SMARCA4: variants seen among roughly 807,000 people sequenced by gnomAD.
SMARCA4 encodes SWI/SNF related BAF chromatin remodeling complex subunit ATPase 4, also known as SWI/SNF-related matrix-associated actin-dependent regulator of chromatin subfamily A member 4.
In SMARCA4, 31 loss-of-function variants were observed where a neutral mutation model predicts 193.9. That is an observed-to-expected ratio of 0.16 (90% CI 0.12 to 0.22). The LOEUF (loss-of-function observed/expected upper bound fraction) is 0.22, where lower values mean the gene tolerates loss of function less well. Ranked by LOEUF, SMARCA4 falls within the 10% of genes least tolerant of loss-of-function variation. SMARCA4 has a pLI of 1.00. For missense variants in SMARCA4, 1,148 were observed against 2,296.0 expected (o/e 0.50, Z 10.22); for synonymous variants, 942 against 933.1 (o/e 1.01, Z -0.17).
At chr19:10,974,682 T>TAC (rs2084961291) in intron 1 of SMARCA4, among the ~76,000 whole-genome samples, 2 of 55,638 alleles carry the variant, frequency 3.6e-5, no homozygotes, top group Non-Finnish European at 7.5e-5. Flanking sequence ...TATATATATA[T>TAC]ATATATATTT....
intron 30 of SMARCA4, among the ~76,000 whole-genome samples, chr19:11,055,282 C>T (rs1378691801): frequency 6.6e-6 from 1 of 152,110 alleles, no homozygotes; most frequent in Non-Finnish European, 1.5e-5. Context: ...CTCTGCCACC[C>T]AGGTTCAGGT....
chr19:10,974,689 ATTTTTTTTTTTTTTTTTT>A (rs74182450), intron 1 of SMARCA4, among the ~76,000 whole-genome samples: 2 of 37,172 alleles, frequency 5.4e-5, no homozygotes, highest in Non-Finnish European at 8.2e-5. Flanking sequence ...ATATATATAT[ATTTTTTTTTTTTTTTTTT>A]TTTTTTTTTT....
At chr19:11,012,188 A>G (rs1177140520) in intron 15 of SMARCA4, among the ~76,000 whole-genome samples, 1 of 152,154 alleles carries the variant, frequency 6.6e-6, no homozygotes, top group African/African-American at 2.4e-5. Context: ...GCTGGCCAAC[A>G]TGATGAGACC....
chr19:11,058,200 G>A lies in SMARCA4; in HGVS notation c.4425-55G>A. ...ATGTGGGAACCTGCTGAGGTGGGGTGGGGGCTCCCGGGTGGGCGGACTCGG... is the reference window on the plus strand; with the variant it reads ...ATGTGGGAACCTGCTGAGGTGGGGTAGGGGCTCCCGGGTGGGCGGACTCGG... On this transcript the variant is annotated intron_variant, in intron 30 of 34. Coordinates refer to ENST00000344626, the MANE Select transcript of SMARCA4 (RefSeq NM_003072.5). The surrounding 1 kb of genome is among the most constrained non-coding windows in gnomAD (Gnocchi z 5.8). 1 of 1,157,110 alleles carries A rather than the reference G, an allele frequency of 8.6e-7. No homozygotes were observed. The highest frequency in any genetic ancestry group is 1.7e-5 in the Admixed American group (1 of 59,404). The allele number at this position is 1,157,110 out of a possible 1,614,324, so 71.7% of individuals were successfully genotyped here. A position where few individuals can be genotyped will look rare whatever the true frequency, so the allele number is the denominator to read the frequency against.
intron 30 of SMARCA4, among the ~76,000 whole-genome samples, chr19:11,053,166 C>T (rs926656858): frequency 2.0e-5 from 3 of 151,854 alleles, no homozygotes; most frequent in Admixed American, 6.6e-5. Context: ...TTTGGGAGGC[C>T]GAGGCGGGCG....
chr19:10,977,166 C>T (rs1023828030), intron 1 of SMARCA4, among the ~76,000 whole-genome samples: 8 of 152,186 alleles, frequency 5.3e-5, no homozygotes, highest in East Asian at 1.9e-4. Flanking sequence ...GGTCCTGGAT[C>T]GCACCTAGGG....
At chr19:11,059,020 A>G in intron 32 of SMARCA4, 131 bp downstream of exon 32, 1 of 742,502 alleles carries the variant, frequency 1.3e-6, no homozygotes, top group East Asian at 2.7e-5. Flanking sequence ...CGTGCCTGTA[A>G]TCCCAGCACT....
At position 11,041,238 on chromosome 19, in the gene SMARCA4, A is replaced by G. The variant is rs2146808782; in HGVS notation, c.4171-69A>G. The G allele has an allele frequency of 6.5e-7, 1 of 1,526,886 alleles. No homozygotes were observed. The highest frequency in any genetic ancestry group is 8.8e-7 in the Non-Finnish European group (1 of 1,133,122). 94.6% of individuals were successfully genotyped at this position (1,526,886 alleles called of 1,614,324 possible). A position where few individuals can be genotyped will look rare whatever the true frequency, so the allele number is the denominator to read the frequency against. ...TCCGTGTCCCAGCCCGGCCCCTGGGATTGCGTCGCGGCCTCTGCTTGTCGA... is the reference window on the plus strand; with the variant it reads ...TCCGTGTCCCAGCCCGGCCCCTGGGGTTGCGTCGCGGCCTCTGCTTGTCGA... On this transcript the variant is annotated intron_variant, in intron 29 of 34. Coordinates refer to ENST00000344626, the MANE Select transcript of SMARCA4 (RefSeq NM_003072.5). The surrounding 1 kb of genome is among the most constrained non-coding windows in gnomAD (Gnocchi z 5.6).
intron 14 of SMARCA4, chr19:11,008,429 A>G (rs1174060461): frequency 1.2e-5 from 4 of 341,440 alleles, no homozygotes; most frequent in Admixed American, 4.0e-5. Flanking sequence ...TCCAGTGTAC[A>G]TTGGTGTGCA....
rs143726010 is a variant in SMARCA4, at chr19:11,030,637, C to G, written c.3383-93C>G. Reference sequence around the variant, plus strand: ...TCTGGGGATGCTGGCAGGTGCTGATCCTGCTCCTGCTCTCAGAAGCAGGTG... The same window carrying G: ...TCTGGGGATGCTGGCAGGTGCTGATGCTGCTCCTGCTCTCAGAAGCAGGTG... On this transcript the variant is annotated intron_variant, in intron 24 of 34. Coordinates refer to ENST00000344626, the MANE Select transcript of SMARCA4 (RefSeq NM_003072.5). The surrounding 1 kb of genome is among the most constrained non-coding windows in gnomAD (Gnocchi z 5.5). 24 of 1,193,498 alleles carry G rather than the reference C, an allele frequency of 2.0e-5. No homozygotes were observed. Among genetic ancestry groups the G allele is most frequent in the Non-Finnish European group, 2.9e-5 (24 of 830,120 alleles). 73.9% of individuals were successfully genotyped at this position (1,193,498 alleles called of 1,614,324 possible). A position where few individuals can be genotyped will look rare whatever the true frequency, so the allele number is the denominator to read the frequency against.
rs371045201 is a variant in SMARCA4, at chr19:10,986,941, C to T, written c.797C>T (p.Ser266Leu). 34 of 1,611,920 alleles carry T rather than the reference C, an allele frequency of 2.1e-5. No individual in the cohort carries two copies. Among genetic ancestry groups the T allele is most frequent in the African/African-American group, 1.5e-4 (11 of 74,932 alleles). ...CCCAACATGCCTCCCCCAGGACCCT[C>T]GGGCGTGCCCCCCGGGATGCCAGGC... ...GGPNMPPPGP[S>L]GVPPGMPGQP... Residue 266 changes from serine (S) to leucine (L), a missense_variant, in exon 5 of 35, where the codon TCG becomes TTG. Ser to Leu is a moderately radical substitution (Grantham distance 145, BLOSUM62 -2). Coordinates refer to ENST00000344626, the MANE Select transcript of SMARCA4 (RefSeq NM_003072.5). This position sits in a 1 kb window ranked among gnomAD's most constrained non-coding sequence, Gnocchi z 6.7.
At chr19:11,025,723 T>G in intron 22 of SMARCA4, 1 of 550,990 alleles carries the variant, frequency 1.8e-6, no homozygotes. Flanking sequence ...TATAGGGCCC[T>G]GAAAGCTTGC....
intron 30 of SMARCA4, among the ~76,000 whole-genome samples, chr19:11,044,893 C>G (rs1168209095): frequency 2.0e-5 from 3 of 152,186 alleles, no homozygotes; most frequent in African/African-American, 7.2e-5. Flanking sequence ...AAGAATCAGC[C>G]CAGTGTCCAT....
At chr19:10,963,989 G>T (rs1488247799) in intron 1 of SMARCA4, among the ~76,000 whole-genome samples, 1 of 152,164 alleles carries the variant, frequency 6.6e-6, no homozygotes, top group African/African-American at 2.4e-5. Flanking sequence ...AAATGGTTTT[G>T]CATGGGCCAC....
At chr19:11,023,468 C>T (rs746998540) in intron 19 of SMARCA4, 50 bp from the exon 20 acceptor site, 25 of 1,183,848 alleles carry the variant, frequency 2.1e-5, no homozygotes, top group South Asian at 1.6e-4. Flanking sequence ...AGACCTCTGT[C>T]GCCCTCCTTT....
chr19:11,035,257 G>T (rs1220927445), intron 29 of SMARCA4, 125 bp downstream of exon 29: 8 of 891,052 alleles, frequency 9.0e-6, no homozygotes, highest in Non-Finnish European at 1.5e-5. Context: ...CTCCTGGCCA[G>T]GCTCCGCAGG....
intron 1 of SMARCA4, among the ~76,000 whole-genome samples, chr19:10,979,559 G>C (rs2085400080): frequency 6.6e-6 from 1 of 151,678 alleles, no homozygotes; most frequent in South Asian, 2.1e-4. Flanking sequence ...TAGAGACAGG[G>C]TCTTGCTATG....
At chr19:10,992,574 G>A (rs370742850) in intron 8 of SMARCA4, among the ~76,000 whole-genome samples, 2 of 151,564 alleles carry the variant, frequency 1.3e-5, no homozygotes, top group African/African-American at 4.9e-5. Context: ...ACAGATGTGC[G>A]CCGCCACACC....
At chr19:10,990,835 T>C (rs552844137) in intron 7 of SMARCA4, among the ~76,000 whole-genome samples, 2 of 152,346 alleles carry the variant, frequency 1.3e-5, no homozygotes, top group South Asian at 4.1e-4. Context: ...TTGGGATTAC[T>C]GGCGTTAAGC....
Sources: gnomAD v4.1 joint callset for allele counts (sites outside exome capture counted in the v4.1 genomes callset) on GRCh38, gnomAD v4.1.1 for gene constraint, Gnocchi (gnomAD v3.1) non-coding constraint, MANE v1.5 for transcripts, NCBI Gene and HGNC (gene_info 2026-07-23, HGNC 2026-07-21) for gene names.